The following FRMPD4 variants were observed in gnomAD, a reference collection of about 807,000 sequenced individuals.
FRMPD4 encodes the protein FERM and PDZ domain containing 4.
A neutral mutation model predicts 94.1 loss-of-function variants in FRMPD4; 22 were observed. The ratio of observed to expected loss-of-function variants is 0.23; its 90% CI spans 0.17 to 0.33. The LOEUF (loss-of-function observed/expected upper bound fraction) is 0.33, where lower values mean the gene tolerates loss of function less well. Ranked by LOEUF, FRMPD4 falls within the 10% of genes least tolerant of loss-of-function variation. The pLI is 1.00. For missense variants in FRMPD4, 1,111 were observed against 1,339.9 expected, an observed-to-expected ratio of 0.83 and a Z score of 2.67; for synonymous variants, 631 against 548.6, an observed-to-expected ratio of 1.15 and a Z score of -2.10.
chrX:12,098,203 A>G (rs1198094204), intron 3 of FRMPD4, among the ~76,000 whole-genome samples: 2 of 111,392 alleles, frequency 1.8e-5, no homozygotes, highest in Non-Finnish European at 3.8e-5. Flanking sequence ...AAAAGGTGAT[A>G]TAAGTTTTGA....
At chrX:12,267,606 G>A (rs1296880847) in intron 1 of FRMPD4, among the ~76,000 whole-genome samples, 1 of 109,220 alleles carries the variant, frequency 9.2e-6, no homozygotes, top group Non-Finnish European at 1.9e-5. Context: ...TAGGAGGAAT[G>A]GTTCGCTTGA....
intron 1 of FRMPD4, among the ~76,000 whole-genome samples, chrX:12,434,494 C>T (rs947237289): frequency 8.9e-6 from 1 of 112,385 alleles, no homozygotes; most frequent in African/African-American, 3.2e-5. Flanking sequence ...GGAAATGCAT[C>T]TCTGCCTTAA....
intron 1 of FRMPD4, among the ~76,000 whole-genome samples, chrX:12,290,904 G>A (rs956451321): frequency 2.7e-5 from 3 of 111,137 alleles, no homozygotes; most frequent in Non-Finnish European, 5.7e-5. Flanking sequence ...AAGATGGACT[G>A]CTTACATTGT....
At chrX:12,575,303 T>C (rs1476538464) in intron 2 of FRMPD4, among the ~76,000 whole-genome samples, 1 of 96,175 alleles carries the variant, frequency 1.0e-5, no homozygotes, top group Non-Finnish European at 2.1e-5. Context: ...TTCACATTTA[T>C]AAGTAAAGGT....
chrX:12,369,239 G>GT (rs1207898626), intron 1 of FRMPD4, among the ~76,000 whole-genome samples: 140 of 101,922 alleles, frequency 1.4e-3, no homozygotes, highest in Middle Eastern at 4.9e-3. Context: ...AATAAACTCA[G>GT]TTTTTTTTTT....
At chrX:12,255,545 GAATTC>G (rs2054102001) in intron 1 of FRMPD4, among the ~76,000 whole-genome samples, 1 of 112,028 alleles carries the variant, frequency 8.9e-6, no homozygotes, top group Non-Finnish European at 1.9e-5. Context: ...TTCTGAATAT[GAATTC>G]AATTCAATTC....
chrX:12,064,486 G>A (rs1240614723), intron 3 of FRMPD4, among the ~76,000 whole-genome samples: 2 of 111,775 alleles, frequency 1.8e-5, no homozygotes, highest in Admixed American at 9.5e-5. Context: ...TTTAAGCCTG[G>A]CAGACATTTG....
intron 1 of FRMPD4, among the ~76,000 whole-genome samples, chrX:12,371,968 C>CA (rs1328515628): frequency 1.8e-5 from 2 of 111,672 alleles, no homozygotes; most frequent in Admixed American, 9.5e-5. Context: ...ATAACTATAC[C>CA]AAAAAAATTG....
intron 2 of FRMPD4, among the ~76,000 whole-genome samples, chrX:12,543,319 A>G (rs2058437087): frequency 8.9e-6 from 1 of 111,885 alleles, no homozygotes; most frequent in South Asian, 3.7e-4. Context: ...AGAATGGGAG[A>G]AAATTTTTGC....
intron 1 of FRMPD4, among the ~76,000 whole-genome samples, chrX:11,855,325 T>C (rs981016540): frequency 8.9e-6 from 1 of 112,033 alleles, no homozygotes; most frequent in Non-Finnish European, 1.9e-5. Context: ...GTCTCTGACA[T>C]GACCTGGAGA....
At chrX:12,012,938 A>G (rs759245873) in intron 3 of FRMPD4, among the ~76,000 whole-genome samples, 1 of 111,898 alleles carries the variant, frequency 8.9e-6, no homozygotes, top group East Asian at 2.8e-4. Flanking sequence ...AAATTCAAGA[A>G]CTAGTGAGTG....
intron 2 of FRMPD4, among the ~76,000 whole-genome samples, chrX:12,609,040 A>G (rs900639583): frequency 8.9e-6 from 1 of 112,634 alleles, no homozygotes; most frequent in Non-Finnish European, 1.9e-5. Flanking sequence ...TGTATGTTAT[A>G]TGCATTATAC....
intron 1 of FRMPD4, among the ~76,000 whole-genome samples, chrX:12,248,535 AAGTTGT>A (rs1340514519): frequency 1.8e-5 from 2 of 112,199 alleles, no homozygotes; most frequent in Non-Finnish European, 3.8e-5. Context: ...ATACTAGGAG[AAGTTGT>A]TAAGGGTCAT....
chrX:12,007,744 C>T (rs905179569), intron 3 of FRMPD4, among the ~76,000 whole-genome samples: 1 of 112,685 alleles, frequency 8.9e-6, no homozygotes, highest in Admixed American at 9.4e-5. Flanking sequence ...CTACTGGTCA[C>T]CATACCAACA....
intron 3 of FRMPD4, among the ~76,000 whole-genome samples, chrX:11,950,398 T>C (rs981269564): frequency 9.0e-5 from 10 of 111,289 alleles, no homozygotes; most frequent in African/African-American, 1.6e-4. Flanking sequence ...GTTAACTTTT[T>C]TGTTTGTTTG....
intron 3 of FRMPD4, among the ~76,000 whole-genome samples, chrX:11,934,922 T>C (rs1466670070): frequency 8.9e-6 from 1 of 111,807 alleles, no homozygotes; most frequent in Non-Finnish European, 1.9e-5. Flanking sequence ...CTTCACCATA[T>C]TATGTGAACA....
At chrX:12,498,883 A>G in intron 2 of FRMPD4, 87 bp downstream of exon 2, 1 of 469,290 alleles carries the variant, frequency 2.1e-6, no homozygotes, top group Non-Finnish European at 3.6e-6. Flanking sequence ...TACTTAAATT[A>G]GGCACTCATA....
intron 1 of FRMPD4, among the ~76,000 whole-genome samples, chrX:12,204,546 C>A (rs985887697): frequency 1.8e-5 from 2 of 111,542 alleles, no homozygotes; most frequent in Non-Finnish European, 3.8e-5. Context: ...CTTTTAACAA[C>A]TCTTTGGGTT....
intron 3 of FRMPD4, among the ~76,000 whole-genome samples, chrX:12,126,827 G>A (rs934643962): frequency 2.7e-5 from 3 of 111,360 alleles, no homozygotes; most frequent in Non-Finnish European, 3.8e-5. Context: ...TTGCATCATC[G>A]ACACACATTC....
Sources: allele counts gnomAD v4.1 joint callset (sites outside exome capture counted in the v4.1 genomes callset), GRCh38; gene constraint gnomAD v4.1.1; transcripts MANE v1.5; gene names NCBI Gene and HGNC (gene_info 2026-07-23, HGNC 2026-07-21).